The following KLHL29 variants were observed in gnomAD, a reference collection of about 807,000 sequenced individuals.
The protein encoded by KLHL29 is kelch like family member 29.
KLHL29 carries 21 observed loss-of-function variants against 80.4 expected under a neutral mutation model. The ratio of observed to expected loss-of-function variants is 0.26; its 90% CI spans 0.19 to 0.38. KLHL29 has a LOEUF of 0.38. Among genes scored for constraint, KLHL29 ranks in the 10% least tolerant of loss-of-function variants. The pLI is 1.00. For missense variants in KLHL29, 867 were observed against 1,223.9 expected, an observed-to-expected ratio of 0.71 and a Z score of 4.35; for synonymous variants, 511 against 526.8, an observed-to-expected ratio of 0.97 and a Z score of 0.41.
Position 23,623,525 on chromosome 2 carries a change from G to T in KLHL29, c.286-15614G>T, listed in dbSNP as rs934283561. Among the ~76,000 whole-genome samples the T allele has an allele frequency of 3.9e-5, 6 of 152,170 alleles. No individual in the cohort carries two copies. The East Asian group carries it at 1.2e-3, about 29-fold the overall frequency. On this transcript the variant is annotated intron_variant, in intron 3 of 13. Transcript: ENST00000486442. ...AGGCTGATTTAGGAAAATGTATCTG[G>T]GAGGAAAGCTCAAAGTGGCCATGGG...
At chr2:23,471,024 C>T (rs1472982547) in intron 1 of KLHL29, among the ~76,000 whole-genome samples, 2 of 152,214 alleles carry the variant, frequency 1.3e-5, no homozygotes, top group Non-Finnish European at 2.9e-5. Context: ...TGGGAGCAGG[C>T]GTTCCTGCCC....
rs189934640 is a variant in KLHL29, at chr2:23,703,871, G to C, written c.2444+8G>C. 2.4e-4 allele frequency: 367 copies of C among 1,534,458 alleles called. 2 individuals carry two copies. The African/African-American group carries it at 2.6e-3, about 11-fold the overall frequency. ...CTCTCGCCAGTTCTGCAGGTGAGAGGCTGCGGCGCCTTGACTAGGGCTGGG... is the reference window on the plus strand; with the variant it reads ...CTCTCGCCAGTTCTGCAGGTGAGAGCCTGCGGCGCCTTGACTAGGGCTGGG... On this transcript the variant is annotated splice_region_variant and intron_variant, in intron 13 of 13. Coordinates refer to ENST00000486442, the MANE Select transcript of KLHL29 (RefSeq NM_052920.2).
chr2:23,671,775 G>C (rs1033588072), intron 5 of KLHL29, among the ~76,000 whole-genome samples: 1 of 152,240 alleles, frequency 6.6e-6, no homozygotes, highest in Admixed American at 6.5e-5. Flanking sequence ...TAGATGCAGA[G>C]CCAGCCACTT....
chr2:23,407,992 A>T (rs534261015), intron 1 of KLHL29, among the ~76,000 whole-genome samples: 16 of 150,192 alleles, frequency 1.1e-4, no homozygotes, highest in Non-Finnish European at 1.5e-5. Flanking sequence ...ACTCACTGCA[A>T]CTCCACCTCC....
chr2:23,526,503 G>A (rs946934139), intron 2 of KLHL29, among the ~76,000 whole-genome samples: 1 of 152,220 alleles, frequency 6.6e-6, no homozygotes, highest in Non-Finnish European at 1.5e-5. Flanking sequence ...CAGGTGAGGT[G>A]TCTGGACGAG....
intron 8 of KLHL29, among the ~76,000 whole-genome samples, chr2:23,694,520 C>A (rs2712078): frequency 6.6e-5 from 10 of 152,176 alleles, no homozygotes; most frequent in Non-Finnish European, 1.2e-4. Flanking sequence ...CAAACCCCTC[C>A]TCAGTTGCCT....
At chr2:23,494,445 T>C (rs189450444) in intron 2 of KLHL29, among the ~76,000 whole-genome samples, 78 of 152,288 alleles carry the variant, frequency 5.1e-4, no homozygotes, top group African/African-American at 1.8e-3. Context: ...AAGGAAACGC[T>C]TCCTGGGAAC....
At chr2:23,452,524 C>G (rs781217694) in intron 1 of KLHL29, among the ~76,000 whole-genome samples, 1 of 152,158 alleles carries the variant, frequency 6.6e-6, no homozygotes, top group Non-Finnish European at 1.5e-5. Context: ...AAAGTGACAT[C>G]TGCCTCTGAA....
chr2:23,530,126 C>T (rs1572381424), intron 2 of KLHL29, among the ~76,000 whole-genome samples: 1 of 152,182 alleles, frequency 6.6e-6, no homozygotes, highest in South Asian at 2.1e-4. Context: ...GAGGGGTGTA[C>T]ACAGTCACAC....
At chr2:23,650,071 T>G (rs1670048931) in intron 5 of KLHL29, among the ~76,000 whole-genome samples, 1 of 152,232 alleles carries the variant, frequency 6.6e-6, no homozygotes. Context: ...GGGTGCCAAC[T>G]GCATGCCCCA....
intron 1 of KLHL29, among the ~76,000 whole-genome samples, chr2:23,470,477 T>G (rs1256686820): frequency 6.6e-6 from 1 of 152,246 alleles, no homozygotes; most frequent in African/African-American, 2.4e-5. Context: ...CATGAGCCTC[T>G]GTTCCCTCAT....
At chr2:23,463,679 C>T (rs1373026970) in intron 1 of KLHL29, among the ~76,000 whole-genome samples, 2 of 152,198 alleles carry the variant, frequency 1.3e-5, no homozygotes, top group East Asian at 3.8e-4. Flanking sequence ...ACATCCTTCA[C>T]CACTTTCCAA....
intron 3 of KLHL29, among the ~76,000 whole-genome samples, chr2:23,604,500 G>A (rs1668656212): frequency 6.6e-6 from 1 of 152,214 alleles, no homozygotes; most frequent in African/African-American, 2.4e-5. Context: ...GGAGAGACTT[G>A]ACAGTGATGA....
At chr2:23,476,513 A>G (rs1047051654) in intron 2 of KLHL29, among the ~76,000 whole-genome samples, 1 of 152,120 alleles carries the variant, frequency 6.6e-6, no homozygotes, top group Non-Finnish European at 1.5e-5. Flanking sequence ...TTCGGGGGGC[A>G]TGTTATTTAG....
At chr2:23,472,533 C>T (rs1314125262) in intron 1 of KLHL29, among the ~76,000 whole-genome samples, 1 of 152,174 alleles carries the variant, frequency 6.6e-6, no homozygotes, top group African/African-American at 2.4e-5. Context: ...ACTTGGGAGA[C>T]TGAGGCAGGA....
intron 1 of KLHL29, among the ~76,000 whole-genome samples, chr2:23,433,597 C>T (rs1372093991): frequency 6.6e-6 from 1 of 152,168 alleles, no homozygotes; most frequent in Non-Finnish European, 1.5e-5. Context: ...AACTAAATTT[C>T]ACAAAGCAAT....
At chr2:23,640,557 C>T (rs1038238515) in intron 4 of KLHL29, among the ~76,000 whole-genome samples, 4 of 152,188 alleles carry the variant, frequency 2.6e-5, no homozygotes, top group African/African-American at 9.7e-5. Flanking sequence ...ATAATGACAC[C>T]ACCTCCCCTC....
intron 1 of KLHL29, among the ~76,000 whole-genome samples, chr2:23,427,788 G>A (rs1663046402): frequency 6.6e-6 from 1 of 152,148 alleles, no homozygotes; most frequent in African/African-American, 2.4e-5. Flanking sequence ...GGTCCTTGAT[G>A]TCAGTTTTGT....
rs574936005 is a variant in KLHL29 at position 23,545,494 on chromosome 2, G to A, written c.-45-16658G>A. Among the ~76,000 whole-genome samples the A allele has an allele frequency of 3.3e-5, 5 of 152,296 alleles. No individual in the cohort carries two copies. The East Asian group carries it at 7.7e-4, about 24-fold the overall frequency. On this transcript the variant is annotated intron_variant, in intron 2 of 13. Coordinates refer to ENST00000486442, the MANE Select transcript of KLHL29 (RefSeq NM_052920.2). ...TGCAGCTGGGTAAGGAAGGCTTGGC[G>A]TCCTCGGGGTGGGGTGTCCCCAGGC...
Sources: allele counts gnomAD v4.1 joint callset (sites outside exome capture counted in the v4.1 genomes callset), GRCh38; gene constraint gnomAD v4.1.1; transcripts MANE v1.5; gene names NCBI Gene and HGNC (gene_info 2026-07-23, HGNC 2026-07-21).